The following DOCK2 variants were observed in gnomAD, a reference collection of about 807,000 sequenced individuals.
The protein encoded by DOCK2 is dedicator of cytokinesis 2, also known as dedicator of cytokinesis protein 2.
Under a neutral mutation model 248.9 loss-of-function variants are expected in DOCK2, and 87 were observed. The observed-to-expected ratio is 0.35, with a 90% confidence interval of 0.29 to 0.42. DOCK2 has a LOEUF of 0.42. DOCK2 is among the 10% of genes least tolerant of loss of function. The pLI, the probability that DOCK2 is intolerant of heterozygous loss-of-function variation, is 1.00. For missense variants in DOCK2, 1,747 were observed against 2,300.2 expected, an observed-to-expected ratio of 0.76 and a Z score of 4.92; for synonymous variants, 805 against 821.6, an observed-to-expected ratio of 0.98 and a Z score of 0.35.
At chr5:169,920,953 G>T (rs530750927) in intron 27 of DOCK2, among the ~76,000 whole-genome samples, 2 of 152,298 alleles carry the variant, frequency 1.3e-5, no homozygotes, top group South Asian at 4.1e-4. Context: ...TTTATTAGAT[G>T]AACTGAGATT....
chr5:169,815,767 T>G (rs1219709837), intron 26 of DOCK2, among the ~76,000 whole-genome samples: 1 of 152,122 alleles, frequency 6.6e-6, no homozygotes, highest in East Asian at 1.9e-4. Flanking sequence ...CCCCTAGTCC[T>G]GGCCCCTGCA....
chr5:169,754,046 CAT>C (rs1369845819), intron 23 of DOCK2, among the ~76,000 whole-genome samples: 1 of 152,098 alleles, frequency 6.6e-6, no homozygotes, highest in South Asian at 2.1e-4. Context: ...CATTTCAAGA[CAT>C]GTTCATTTTG....
At chr5:169,728,971 A>G (rs77594147) in intron 22 of DOCK2, among the ~76,000 whole-genome samples, 25,112 of 152,094 alleles carry the variant, frequency 0.17, 3,408 homozygotes, top group African/African-American at 0.33. Flanking sequence ...ATGGTAAACT[A>G]TTTCCTCTGA....
At chr5:169,897,411 G>A (rs1338854915) in intron 27 of DOCK2, among the ~76,000 whole-genome samples, 2 of 152,024 alleles carry the variant, frequency 1.3e-5, no homozygotes, top group Admixed American at 6.6e-5. Flanking sequence ...GGATGGTCTC[G>A]ATCTCCTAAC....
chr5:170,054,528 A>G lies in DOCK2; in HGVS notation c.4214-777A>G, dbSNP rs143902347. ...CTGTTGCAGGCATCACTAATCCACC[A>G]TGGGACTCTTTTCCACTGTCTGAAC... On this transcript the variant is annotated intron_variant, in intron 41 of 51. Coordinates refer to ENST00000520908, the MANE Select transcript of DOCK2 (RefSeq NM_004946.3). Among the ~76,000 whole-genome samples, 28 of 152,358 alleles carry G rather than the reference A, an allele frequency of 1.8e-4. No homozygotes were observed. The East Asian group carries it at 5.2e-3, about 28-fold the overall frequency.
chr5:169,813,525 A>G (rs1192779314), intron 26 of DOCK2, among the ~76,000 whole-genome samples: 1 of 152,224 alleles, frequency 6.6e-6, no homozygotes, highest in African/African-American at 2.4e-5. Flanking sequence ...CAGGGACTCA[A>G]AACAATGGCC....
intron 27 of DOCK2, among the ~76,000 whole-genome samples, chr5:169,962,939 G>T (rs780024334): frequency 4.6e-5 from 7 of 152,256 alleles, no homozygotes; most frequent in Non-Finnish European, 7.4e-5. Context: ...CCTAGGCCAG[G>T]TATAGGATGG....
chr5:170,061,904 G>C (rs1436623177), intron 44 of DOCK2, among the ~76,000 whole-genome samples: 3 of 152,170 alleles, frequency 2.0e-5, no homozygotes, highest in Non-Finnish European at 4.4e-5. Context: ...CCCCCCCAGA[G>C]TTGGTCTGTG....
intron 22 of DOCK2, among the ~76,000 whole-genome samples, chr5:169,735,875 T>C (rs149730): frequency 0.32 from 48,479 of 150,816 alleles, 11,562 homozygotes; most frequent in African/African-American, 0.66. Context: ...GCTGGGAGGC[T>C]TCAGGAAACT....
chr5:169,681,898 G>A lies in DOCK2; in HGVS notation c.606+19G>A. The stretch of plus-strand genomic sequence containing the variant: ...AGAAATGGTGAGCTTTACTAAATAG[G>A]CTTTGGCCAAGTGATACAATCATTT... On this transcript the variant is annotated intron_variant, in intron 7 of 51. Coordinates refer to ENST00000520908, the MANE Select transcript of DOCK2 (RefSeq NM_004946.3). 6.2e-7 allele frequency: 1 copy of A among 1,611,572 alleles called. No homozygotes were observed.
intron 27 of DOCK2, among the ~76,000 whole-genome samples, chr5:169,972,627 G>T (rs1007950040): frequency 7.3e-6 from 1 of 136,500 alleles, no homozygotes; most frequent in African/African-American, 2.7e-5. Flanking sequence ...TAGATAGATA[G>T]ATGATAGGTG....
At chr5:169,988,554 C>T (rs888636627) in intron 29 of DOCK2, among the ~76,000 whole-genome samples, 5 of 151,702 alleles carry the variant, frequency 3.3e-5, no homozygotes, top group African/African-American at 1.2e-4. Flanking sequence ...ATCTTGTTGC[C>T]GAGGCTGGAG....
In DOCK2 at chr5:169,660,503, A is replaced by T. The variant is rs188349092; in HGVS notation, c.127+6017A>T. On this transcript the variant is annotated intron_variant, in intron 2 of 51. Coordinates refer to ENST00000520908, the MANE Select transcript of DOCK2 (RefSeq NM_004946.3). ...TGAGACCTTCTGTTCTCATTTGAAAATATTGGAGTGCTTTCTAAGTGAACA... is the reference window on the plus strand; with the variant it reads ...TGAGACCTTCTGTTCTCATTTGAAATTATTGGAGTGCTTTCTAAGTGAACA... Among the ~76,000 whole-genome samples the T allele has an allele frequency of 3.9e-3, 601 of 152,268 alleles. 2 individuals are homozygous for T. The highest frequency in any genetic ancestry group is 4.9e-3 in the Non-Finnish European group (335 of 68,028).
intron 27 of DOCK2, chr5:169,883,362 G>A: frequency 6.4e-7 from 1 of 1,551,700 alleles, no homozygotes; most frequent in Non-Finnish European, 8.7e-7. Context: ...CAGGACCATT[G>A]CTTTGCACCT....
rs114258018 is a variant in DOCK2 at position 169,877,134 on chromosome 5, G to A, written c.2799+36282G>A. 2.6e-3 allele frequency among the ~76,000 whole-genome samples: 395 copies of A among 152,262 alleles called. 2 individuals are homozygous for A. The highest frequency in any genetic ancestry group is 8.9e-3 in the African/African-American group (369 of 41,556). ...CCACACAAAGCAGGGCAGAAAAGACGTCCCAGGAAAGCAAAGGAACTTATG... is the reference window on the plus strand; with the variant it reads ...CCACACAAAGCAGGGCAGAAAAGACATCCCAGGAAAGCAAAGGAACTTATG... On this transcript the variant is annotated intron_variant, in intron 27 of 51. Coordinates refer to ENST00000520908, the MANE Select transcript of DOCK2 (RefSeq NM_004946.3).
intron 33 of DOCK2, among the ~76,000 whole-genome samples, chr5:170,021,156 G>A (rs9313481): frequency 0.23 from 35,194 of 151,928 alleles, 5,043 homozygotes; most frequent in African/African-American, 0.41. Context: ...AAAGAAATCT[G>A]GCTGAGTAGG....
chr5:169,804,437 AGTGTGTGTGTGTGTGTGT>A (rs55660700), intron 26 of DOCK2, among the ~76,000 whole-genome samples: 13,646 of 134,638 alleles, frequency 0.1, 851 homozygotes, highest in Non-Finnish European at 0.14. Flanking sequence ...AGAGCTACAA[AGTGTGTGTGTGTGTGTGT>A]GTGTGTGTGT....
At chr5:170,060,672 C>G (rs1044594821) in intron 44 of DOCK2, among the ~76,000 whole-genome samples, 7 of 152,184 alleles carry the variant, frequency 4.6e-5, no homozygotes, top group Non-Finnish European at 8.8e-5. Flanking sequence ...AGCACCTGTC[C>G]TGTGCAGCTC....
At chr5:169,729,381 T>C (rs1280040753) in intron 22 of DOCK2, among the ~76,000 whole-genome samples, 2 of 152,212 alleles carry the variant, frequency 1.3e-5, no homozygotes, top group African/African-American at 4.8e-5. Context: ...TGTTATTTAT[T>C]GTGTCTTTGG....
Sources: allele counts gnomAD v4.1 joint callset (sites outside exome capture counted in the v4.1 genomes callset), GRCh38; gene constraint gnomAD v4.1.1; transcripts MANE v1.5; gene names NCBI Gene and HGNC (gene_info 2026-07-23, HGNC 2026-07-21).